The following CHRM3 variants were observed in gnomAD, a reference collection of about 807,000 sequenced individuals.
CHRM3 encodes muscarinic acetylcholine receptor M3.
CHRM3 carries 11 observed loss-of-function variants against 41.8 expected under a neutral mutation model. The ratio of observed to expected loss-of-function variants is 0.26; its 90% CI spans 0.17 to 0.44. CHRM3 has a LOEUF of 0.44. Ranked by LOEUF, CHRM3 falls within the 20% of genes least tolerant of loss-of-function variation. The pLI is 1.00. For missense variants in CHRM3, 571 were observed against 745.4 expected, an observed-to-expected ratio of 0.77 and a Z score of 2.72; for synonymous variants, 297 against 301.4, an observed-to-expected ratio of 0.99 and a Z score of 0.15.
rs997346998 is a variant in CHRM3 at position 239,912,682 on chromosome 1, T to G, written c.*3458T>G. ...CCAAGGCTCTGTCACAGCGGAGAAGTCTAATACCAGAGTGGCACAGAGAAG... is the reference window on the plus strand; with the variant it reads ...CCAAGGCTCTGTCACAGCGGAGAAGGCTAATACCAGAGTGGCACAGAGAAG... On this transcript the variant is annotated 3_prime_UTR_variant, in exon 7 of 7. Transcript: ENST00000676153. The G allele has an allele frequency of 6.0e-6, 1 of 167,200 alleles. No homozygotes were observed. The highest frequency in any genetic ancestry group is 2.4e-5 in the African/African-American group (1 of 41,430). The allele number at this position is 167,200 out of a possible 1,614,324, so 10.4% of individuals were successfully genotyped here. A position where few individuals can be genotyped will look rare whatever the true frequency, so the allele number is the denominator to read the frequency against.
intron 5 of CHRM3, among the ~76,000 whole-genome samples, chr1:239,766,670 G>GAT (rs375984630): frequency 6.5e-4 from 69 of 106,456 alleles, no homozygotes; most frequent in African/African-American, 2.3e-3. Flanking sequence ...TATGGATATA[G>GAT]ATATATAGAT....
At chr1:239,896,582 A>G (rs1433436997) in intron 6 of CHRM3, among the ~76,000 whole-genome samples, 1 of 152,194 alleles carries the variant, frequency 6.6e-6, no homozygotes, top group African/African-American at 2.4e-5. Flanking sequence ...AATTAGTATC[A>G]GGACATTTTC....
chr1:239,794,864 GTCTTTTAAAAA>G lies in CHRM3; in HGVS notation c.-146-32387_-146-32377del, dbSNP rs535678231. On this transcript the variant is annotated intron_variant, in intron 5 of 6. Coordinates refer to ENST00000676153, the MANE Select transcript of CHRM3 (RefSeq NM_001375978.1). Reference sequence around the variant, plus strand: ...TCCGATCCTATCAATAAATTTAATAGTCTTTTAAAAAGCAGAATAGCCATTATGTTGGTCAC... The same window carrying G: ...TCCGATCCTATCAATAAATTTAATAGGCAGAATAGCCATTATGTTGGTCAC... 1.2e-4 allele frequency among the ~76,000 whole-genome samples: 19 copies of G among 152,210 alleles called. 1 individual carries two copies. In the South Asian group the frequency reaches 3.7e-3, roughly 30 times the overall value.
At chr1:239,847,001 G>C (rs1402761735) in intron 6 of CHRM3, among the ~76,000 whole-genome samples, 1 of 152,162 alleles carries the variant, frequency 6.6e-6, no homozygotes. Flanking sequence ...AGGTTTAGAA[G>C]CAGGCTAAGC....
chr1:239,505,934 CAA>C (rs1212474666), intron 2 of CHRM3, among the ~76,000 whole-genome samples: 1 of 152,076 alleles, frequency 6.6e-6, no homozygotes, highest in Non-Finnish European at 1.5e-5. Flanking sequence ...TATGTTTTGG[CAA>C]AGAGATTGGT....
At chr1:239,876,014 G>A (rs943436885) in intron 6 of CHRM3, among the ~76,000 whole-genome samples, 12 of 152,298 alleles carry the variant, frequency 7.9e-5, no homozygotes, top group African/African-American at 2.6e-4. Flanking sequence ...AATTGTGGAG[G>A]TGAGAGCATC....
chr1:239,841,116 A>T (rs1673761183), intron 6 of CHRM3, among the ~76,000 whole-genome samples: 1 of 152,226 alleles, frequency 6.6e-6, no homozygotes. Flanking sequence ...ATGAGCAAAG[A>T]TTAAGGGAGA....
At chr1:239,627,889 CT>C (rs1669183458) in intron 3 of CHRM3, among the ~76,000 whole-genome samples, 1 of 150,728 alleles carries the variant, frequency 6.6e-6, no homozygotes, top group African/African-American at 2.5e-5. Flanking sequence ...GTCTGATGGG[CT>C]TTCCTTTGAG....
At chr1:239,505,600 A>G (rs572806939) in intron 2 of CHRM3, among the ~76,000 whole-genome samples, 1 of 152,268 alleles carries the variant, frequency 6.6e-6, no homozygotes, top group Admixed American at 6.5e-5. Flanking sequence ...TTTCTTTTGT[A>G]AATGGCCCAG....
At position 239,720,508 on chromosome 1, in the gene CHRM3, C is replaced by T. The variant is rs111901280; in HGVS notation, c.-147+42220C>T. 5.1e-3 allele frequency among the ~76,000 whole-genome samples: 781 copies of T among 152,052 alleles called. 11 individuals are homozygous for T. Among genetic ancestry groups the T allele is most frequent in the African/African-American group, 0.018 (753 of 41,524 alleles). ...TGCTCTCGTGCCACTCAACGCCAGA[C>T]TTTTCATGTTGCAGATAGCAAGTGA... On this transcript the variant is annotated intron_variant, in intron 5 of 6. Coordinates refer to ENST00000676153, the MANE Select transcript of CHRM3 (RefSeq NM_001375978.1).
intron 5 of CHRM3, among the ~76,000 whole-genome samples, chr1:239,690,007 T>G (rs1659546863): frequency 6.6e-6 from 1 of 151,456 alleles, no homozygotes; most frequent in Admixed American, 6.6e-5. Flanking sequence ...AAGGATCACT[T>G]GACACTAAAA....
At chr1:239,902,791 T>C (rs1180545392) in intron 6 of CHRM3, among the ~76,000 whole-genome samples, 6 of 152,220 alleles carry the variant, frequency 3.9e-5, no homozygotes, top group Non-Finnish European at 8.8e-5. Flanking sequence ...TATTAACTCT[T>C]GTCCTTTGGA....
intron 6 of CHRM3, among the ~76,000 whole-genome samples, chr1:239,840,950 T>C (rs1198076283): frequency 6.6e-6 from 1 of 152,152 alleles, no homozygotes; most frequent in Non-Finnish European, 1.5e-5. Flanking sequence ...GGTGCACGTG[T>C]GGGCAGCAAC....
At chr1:239,439,939 C>A (rs996620355) in intron 1 of CHRM3, among the ~76,000 whole-genome samples, 3 of 152,110 alleles carry the variant, frequency 2.0e-5, no homozygotes, top group Non-Finnish European at 4.4e-5. Context: ...GTGGCTCATG[C>A]CTGTAATCCC....
chr1:239,653,960 T>A (rs1218672168), intron 4 of CHRM3, among the ~76,000 whole-genome samples: 11 of 152,346 alleles, frequency 7.2e-5, no homozygotes, highest in Non-Finnish European at 1.3e-4. Flanking sequence ...GCTTCTTTTT[T>A]AATTTTTTAA....
chr1:239,492,175 C>G (rs1431932159), intron 1 of CHRM3, among the ~76,000 whole-genome samples: 1 of 152,150 alleles, frequency 6.6e-6, no homozygotes, highest in East Asian at 1.9e-4. Flanking sequence ...AGCCATCCAG[C>G]AATATTGCTC....
intron 5 of CHRM3, among the ~76,000 whole-genome samples, chr1:239,764,860 G>C (rs1215451080): frequency 6.6e-6 from 1 of 152,218 alleles, no homozygotes; most frequent in African/African-American, 2.4e-5. Flanking sequence ...GTACTGTTCA[G>C]TGAGCCAGAA....
intron 1 of CHRM3, among the ~76,000 whole-genome samples, chr1:239,404,410 A>AGAGAGAG (rs1553293483): frequency 1.9e-5 from 1 of 51,754 alleles, no homozygotes; most frequent in African/African-American, 6.4e-5. Flanking sequence ...GAAAGAAAGA[A>AGAGAGAG]AAAGAAAGAA....
chr1:239,627,829 C>G (rs1435814319), intron 3 of CHRM3, among the ~76,000 whole-genome samples: 1 of 150,746 alleles, frequency 6.6e-6, no homozygotes, highest in Non-Finnish European at 1.5e-5. Flanking sequence ...TGAATATTGG[C>G]CCCCACTCTC....
Sources: allele counts gnomAD v4.1 joint callset (sites outside exome capture counted in the v4.1 genomes callset), GRCh38; gene constraint gnomAD v4.1.1; transcripts MANE v1.5; gene names NCBI Gene and HGNC (gene_info 2026-07-23, HGNC 2026-07-21).